The following IFTAP variants were observed in gnomAD, a reference collection of about 807,000 sequenced individuals.
The protein encoded by IFTAP is intraflagellar transport associated protein, also known as intraflagellar transport-associated protein.
A neutral mutation model predicts 19.4 loss-of-function variants in IFTAP; 19 were observed. That is an observed-to-expected ratio of 0.98 (90% CI 0.68 to 1.44). The LOEUF is 1.44. Ranked by LOEUF, IFTAP falls within the 40% of genes most tolerant of loss-of-function variation. IFTAP has a pLI of 0.00. For missense variants in IFTAP, 240 were observed against 253.6 expected (o/e 0.95, Z 0.36); for synonymous variants, 85 against 83.5 (o/e 1.02, Z -0.10).
At chr11:36,634,632 A>G (rs1329686541) in intron 3 of IFTAP, among the ~76,000 whole-genome samples, 2 of 152,162 alleles carry the variant, frequency 1.3e-5, no homozygotes, top group Non-Finnish European at 2.9e-5. Context: ...ATAGTGATGG[A>G]TGAAGGCCAA....
chr11:36,620,414 C>T (rs1590210970), intron 2 of IFTAP, among the ~76,000 whole-genome samples: 1 of 151,960 alleles, frequency 6.6e-6, no homozygotes, highest in East Asian at 1.9e-4. Context: ...ATCACTAAAT[C>T]ACTACACTTA....
intron 5 of IFTAP, among the ~76,000 whole-genome samples, chr11:36,650,840 A>C: frequency 6.6e-6 from 1 of 152,092 alleles, no homozygotes; most frequent in East Asian, 1.9e-4. Context: ...TTTGCTGAGA[A>C]TGATGGTTTC....
At chr11:36,651,964 T>G (rs1245539039) in intron 5 of IFTAP, among the ~76,000 whole-genome samples, 3 of 152,226 alleles carry the variant, frequency 2.0e-5, no homozygotes, top group Non-Finnish European at 4.4e-5. Flanking sequence ...AGCCTTGTAG[T>G]ATAGTTTGAA....
At chr11:36,651,288 G>A (rs1259048560) in intron 5 of IFTAP, among the ~76,000 whole-genome samples, 1 of 152,160 alleles carries the variant, frequency 6.6e-6, no homozygotes, top group African/African-American at 2.4e-5. Context: ...GTTTTGATTT[G>A]CATTTCTCTG....
chr11:36,618,903 A>G (rs1461560226), intron 2 of IFTAP, among the ~76,000 whole-genome samples: 2 of 151,966 alleles, frequency 1.3e-5, no homozygotes, highest in Admixed American at 6.6e-5. Flanking sequence ...GGTCTGGACT[A>G]GGGTAGTTGG....
chr11:36,647,849 AG>A (rs996322293), intron 4 of IFTAP, among the ~76,000 whole-genome samples, 166 bp from the exon 5 acceptor site: 1 of 152,182 alleles, frequency 6.6e-6, no homozygotes, highest in African/African-American at 2.4e-5. Context: ...TTATGAGGAA[AG>A]GGCAATCCCT....
At chr11:36,649,518 C>G (rs1853620511) in intron 5 of IFTAP, among the ~76,000 whole-genome samples, 1 of 152,084 alleles carries the variant, frequency 6.6e-6, no homozygotes, top group Non-Finnish European at 1.5e-5. Flanking sequence ...GCACCTAGTA[C>G]TTTTATAGAA....
intron 5 of IFTAP, among the ~76,000 whole-genome samples, chr11:36,656,416 A>G (rs1221425331): frequency 6.6e-6 from 1 of 152,082 alleles, no homozygotes; most frequent in Non-Finnish European, 1.5e-5. Context: ...CTAAAAATAC[A>G]AAAATTAGCC....
chr11:36,624,082 G>C (rs546941384), intron 2 of IFTAP, among the ~76,000 whole-genome samples: 21 of 152,158 alleles, frequency 1.4e-4, no homozygotes, highest in African/African-American at 5.1e-4. Flanking sequence ...ATTCTCCCTA[G>C]ATTGAGGATT....
chr11:36,631,273 A>T (rs1374527588), intron 2 of IFTAP, among the ~76,000 whole-genome samples: 1 of 151,438 alleles, frequency 6.6e-6, no homozygotes, highest in East Asian at 1.9e-4. Flanking sequence ...GTGCTGGTGC[A>T]GTAGGCAGTA....
chr11:36,634,472 C>G (rs1187603484), intron 3 of IFTAP, among the ~76,000 whole-genome samples: 1 of 152,086 alleles, frequency 6.6e-6, no homozygotes, highest in Non-Finnish European at 1.5e-5. Flanking sequence ...CTATGGCTTA[C>G]TGAATTTGGT....
chr11:36,647,602 A>G (rs1168507328), intron 4 of IFTAP, among the ~76,000 whole-genome samples: 3 of 152,140 alleles, frequency 2.0e-5, no homozygotes, highest in Non-Finnish European at 4.4e-5. Flanking sequence ...AAATATTGCC[A>G]TATTGTTACA....
intron 2 of IFTAP, among the ~76,000 whole-genome samples, chr11:36,611,382 C>T (rs115372474): frequency 8.6e-5 from 13 of 151,932 alleles, no homozygotes; most frequent in African/African-American, 2.7e-4. Flanking sequence ...TCAAGGGATT[C>T]GTATTTTATT....
intron 5 of IFTAP, 145 bp from the exon 6 acceptor site, chr11:36,658,874 C>A: frequency 3.6e-6 from 2 of 551,918 alleles, no homozygotes; most frequent in African/African-American, 1.9e-5. Context: ...AAATTTATTT[C>A]TTTACTTAAA....
At chr11:36,648,374 T>G in intron 5 of IFTAP, 1 of 535,448 alleles carries the variant, frequency 1.9e-6, no homozygotes, top group Non-Finnish European at 3.2e-6. Flanking sequence ...CATTTTTGTT[T>G]TACAGTGTAT....
chr11:36,625,963 G>A lies in IFTAP; in HGVS notation c.137-7321G>A, dbSNP rs151102064. 6.9e-5 allele frequency among the ~76,000 whole-genome samples: 10 copies of A among 145,426 alleles called. 1 individual carries two copies. Among genetic ancestry groups the A allele is most frequent in the African/African-American group, 2.3e-4 (8 of 35,136 alleles). ...CCAGCTGAGGACCAGCAAGGAGGCCGGTGTGGCTGGAGTTGCATGAGCAAC... is the reference window on the plus strand; with the variant it reads ...CCAGCTGAGGACCAGCAAGGAGGCCAGTGTGGCTGGAGTTGCATGAGCAAC... On this transcript the variant is annotated intron_variant, in intron 2 of 5. Coordinates refer to ENST00000334307, the MANE Select transcript of IFTAP (RefSeq NM_138787.4).
At chr11:36,649,374 T>C (rs1231547179) in intron 5 of IFTAP, among the ~76,000 whole-genome samples, 1 of 152,108 alleles carries the variant, frequency 6.6e-6, no homozygotes, top group Non-Finnish European at 1.5e-5. Context: ...GAATTATAGA[T>C]TGCTTTCTCT....
At position 36,610,200 on chromosome 11, in the gene IFTAP, G is replaced by C. The variant is rs1236154603; in HGVS notation, c.97G>C (p.Asp33His). The C allele has an allele frequency of 1.2e-5, 20 of 1,610,540 alleles. No homozygotes were observed. Among genetic ancestry groups the C allele is most frequent in the African/African-American group, 2.7e-5 (2 of 74,824 alleles). The change falls in exon 2 of 6, where the codon GAT (aspartate) becomes CAT (histidine). Residue 33 changes from aspartate (D) to histidine (H), a missense_variant. Coordinates refer to ENST00000334307, the MANE Select transcript of IFTAP (RefSeq NM_138787.4). ...KFLNCHEQTY[D>H]EEFLNTFTHL... ...CCTTAATTGTCATGAGCAAACATAT[G>C]ATGAAGAATTTCTGAACACTTTTAC...
intron 5 of IFTAP, among the ~76,000 whole-genome samples, chr11:36,650,703 C>G (rs1853683629): frequency 6.6e-6 from 1 of 152,082 alleles, no homozygotes; most frequent in South Asian, 2.1e-4. Context: ...TATCCCTCCC[C>G]CCTTCCCCCA....
Sources: allele counts gnomAD v4.1 joint callset (sites outside exome capture counted in the v4.1 genomes callset), GRCh38; gene constraint gnomAD v4.1.1; transcripts MANE v1.5; gene names NCBI Gene and HGNC (gene_info 2026-07-23, HGNC 2026-07-21).